The following SGCG variants were observed in gnomAD, a reference collection of about 807,000 sequenced individuals.
SGCG encodes sarcoglycan gamma, also known as gamma-sarcoglycan.
Under a neutral mutation model 29.3 loss-of-function variants are expected in SGCG, and 26 were observed. The observed-to-expected ratio is 0.89, with a 90% CI of 0.65 to 1.23. The LOEUF (loss-of-function observed/expected upper bound fraction) is 1.23, where lower values mean the gene tolerates loss of function less well. Among genes scored for constraint, SGCG ranks in the 50% most tolerant of loss-of-function variants. The pLI is 0.00. For synonymous variants in SGCG, 145 were observed against 129.7 expected (o/e 1.12, Z -0.80); for missense variants, 353 against 356.0 (o/e 0.99, Z 0.07).
At chr13:23,266,220 C>G (rs917769805) in intron 4 of SGCG, among the ~76,000 whole-genome samples, 1 of 150,626 alleles carries the variant, frequency 6.6e-6, no homozygotes, top group Non-Finnish European at 1.5e-5. Flanking sequence ...TGCAGTGAGC[C>G]GAGATCACGC....
chr13:23,181,181 A>C (rs1386182403), intron 1 of SGCG, 106 bp downstream of exon 1: 1 of 152,202 alleles, frequency 6.6e-6, no homozygotes, highest in Admixed American at 6.5e-5. Flanking sequence ...GTGGCATAAT[A>C]ATAAATTTAA....
chr13:23,234,661 G>A lies in SGCG; in HGVS notation c.246G>A (p.Gly82=). Residue 82 remains glycine (G), a synonymous_variant, in exon 3 of 8, where the codon GGG becomes GGA. Coordinates refer to ENST00000218867, the MANE Select transcript of SGCG (RefSeq NM_000231.3). ...CAAAAGATGGACTGCGCTTGGAAGGGGAATCAGAATTTTTATTCCCATTGT... is the reference window on the plus strand; with the variant it reads ...CAAAAGATGGACTGCGCTTGGAAGGAGAATCAGAATTTTTATTCCCATTGT... The part of the protein sequence containing the change: ...CVTKDGLRLE[G]ESEFLFPLYA... 1 of 1,612,952 alleles carries A rather than the reference G, an allele frequency of 6.2e-7. No homozygotes were observed. The highest frequency in any genetic ancestry group is 8.5e-7 in the Non-Finnish European group (1 of 1,179,284).
chr13:23,300,960 A>G (rs574346317), intron 6 of SGCG, among the ~76,000 whole-genome samples: 35 of 152,246 alleles, frequency 2.3e-4, no homozygotes, highest in Admixed American at 5.9e-4. Flanking sequence ...CGAAAAATAC[A>G]AAAGAATTAG....
rs398056176 is a variant in SGCG, at chr13:23,204,706, CT to C, written c.195+834del. The stretch of plus-strand genomic sequence containing the variant: ...TCCTCTTTCTCTCTTTCTTTCTTTC[CT>C]TTTTTTTTTTTTTTTTGAGACGGAG... On this transcript the variant is annotated intron_variant, in intron 2 of 7. Transcript: ENST00000218867. Among the ~76,000 whole-genome samples, 821 of 115,286 alleles carry C rather than the reference CT, an allele frequency of 7.1e-3. 2 individuals are homozygous for C. The highest frequency in any genetic ancestry group is 9.7e-3 in the African/African-American group (291 of 29,990). The allele number at this position is 115,286 out of a possible 152,430, so 75.6% of individuals were successfully genotyped here. A position where few individuals can be genotyped will look rare whatever the true frequency, so the allele number is the denominator to read the frequency against.
chr13:23,315,380 C>G (rs1197895029), intron 6 of SGCG, among the ~76,000 whole-genome samples: 1 of 152,168 alleles, frequency 6.6e-6, no homozygotes, highest in Non-Finnish European at 1.5e-5. Flanking sequence ...CGTGCTCGAG[C>G]AGGTCCTGAA....
chr13:23,190,159 G>T (rs1877184153), intron 1 of SGCG, among the ~76,000 whole-genome samples: 1 of 152,098 alleles, frequency 6.6e-6, no homozygotes, highest in African/African-American at 2.4e-5. Context: ...AGTATATGTG[G>T]AAAGTACATG....
At chr13:23,268,880 T>C (rs1880746735) in intron 4 of SGCG, 1 of 140,168 alleles carries the variant, frequency 7.1e-6, no homozygotes, top group Non-Finnish European at 1.6e-5. Flanking sequence ...TTACTGTCAG[T>C]TGAGGATATT....
intron 4 of SGCG, 23 bp downstream of exon 4, chr13:23,250,740 G>T: frequency 3.7e-6 from 5 of 1,359,102 alleles, no homozygotes; most frequent in Non-Finnish European, 5.3e-6. Context: ...TCATCATGGT[G>T]CTTTGCATGC....
At chr13:23,290,107 T>C (rs1395541457) in intron 5 of SGCG, among the ~76,000 whole-genome samples, 1 of 152,168 alleles carries the variant, frequency 6.6e-6, no homozygotes, top group Admixed American at 6.5e-5. Flanking sequence ...ATGATATTTG[T>C]TTTGGTTGAT....
At chr13:23,244,244 C>T (rs988297865) in intron 3 of SGCG, 2 of 152,020 alleles carry the variant, frequency 1.3e-5, no homozygotes, top group African/African-American at 2.4e-5. Flanking sequence ...TAAACAAAAC[C>T]GCCGTATCAG....
chr13:23,161,282 G>C, the SGCG span, among the ~76,000 whole-genome samples: 1 of 152,266 alleles, frequency 6.6e-6, no homozygotes, highest in South Asian at 2.1e-4. Flanking sequence ...TTACATCAGC[G>C]TTAGCAAGTT....
intron 5 of SGCG, 126 bp from the exon 6 acceptor site, chr13:23,295,289 C>A: frequency 1.2e-6 from 1 of 824,302 alleles, no homozygotes. Context: ...GTAACTCAAA[C>A]ATCTGCAAAA....
chr13:23,253,375 T>C lies in SGCG; in HGVS notation c.385+2658T>C, dbSNP rs1027323414. ...TAATTAGTGATTTCTAGTAAATCTT[T>C]AGTTGGAAAGTCTCTGTTATATTGA... is the stretch of plus-strand genomic sequence containing the variant. On this transcript the variant is annotated intron_variant, in intron 4 of 7. Transcript: ENST00000218867. Among the ~76,000 whole-genome samples the C allele has an allele frequency of 2.0e-5, 3 of 152,242 alleles. No individual in the cohort carries two copies. The East Asian group carries it at 5.8e-4, about 29-fold the overall frequency.
At chr13:23,261,772 C>T (rs985526636) in intron 4 of SGCG, among the ~76,000 whole-genome samples, 23 of 151,926 alleles carry the variant, frequency 1.5e-4, no homozygotes, top group African/African-American at 5.6e-4. Context: ...GATCAGGTAA[C>T]CTATAAAGGA....
At position 23,291,170 on chromosome 13, in the gene SGCG, T is replaced by G. The variant is rs1369655430; in HGVS notation, c.506-4245T>G. On this transcript the variant is annotated intron_variant, in intron 5 of 7. Transcript: ENST00000218867. Reference sequence around the variant, plus strand: ...ATTCTAAAAATAAAAAAGTTAACATTATTAGACTAGGCTTTCTTTTATTTT... The same window carrying G: ...ATTCTAAAAATAAAAAAGTTAACATGATTAGACTAGGCTTTCTTTTATTTT... 2.0e-5 allele frequency among the ~76,000 whole-genome samples: 3 copies of G among 152,328 alleles called. No homozygotes were observed. The East Asian group carries it at 5.8e-4, about 29-fold the overall frequency.
rs1882041299 is a variant in SGCG at position 23,299,429 on chromosome 13, TATATATATATATATATA to T, written c.578+3943_578+3959del. Among the ~76,000 whole-genome samples the T allele has an allele frequency of 1.6e-3, 23 of 14,248 alleles. 1 individual carries two copies. Among genetic ancestry groups the T allele is most frequent in the East Asian group, 3.7e-3 (2 of 536 alleles). 9.3% of individuals were successfully genotyped at this position (14,248 alleles called of 152,430 possible). A position where few individuals can be genotyped will look rare whatever the true frequency, so the allele number is the denominator to read the frequency against. On this transcript the variant is annotated intron_variant, in intron 6 of 7. Coordinates refer to ENST00000218867, the MANE Select transcript of SGCG (RefSeq NM_000231.3). ...TGGCATATATATATATATATATATA[TATATATATATATATATA>T]TATATATATATTTTTTTTTTTTTTT...
chr13:23,196,121 G>A (rs1198426055), intron 1 of SGCG, among the ~76,000 whole-genome samples: 2 of 151,836 alleles, frequency 1.3e-5, no homozygotes, highest in African/African-American at 4.8e-5. Flanking sequence ...GTTGTTATAT[G>A]TTTTTCAAAC....
At chr13:23,276,735 G>A (rs1881092259) in intron 4 of SGCG, among the ~76,000 whole-genome samples, 1 of 152,202 alleles carries the variant, frequency 6.6e-6, no homozygotes, top group Non-Finnish European at 1.5e-5. Context: ...GCGCCCAGCA[G>A]GAAGCATGAA....
chr13:23,188,311 C>CT (rs71100159), intron 1 of SGCG, among the ~76,000 whole-genome samples: 2,052 of 78,288 alleles, frequency 0.026, 300 homozygotes, highest in African/African-American at 0.048. Context: ...TTTACTAAGG[C>CT]TTTTTTTTTT....
Sources: allele counts gnomAD v4.1 joint callset (sites outside exome capture counted in the v4.1 genomes callset), GRCh38; gene constraint gnomAD v4.1.1; transcripts MANE v1.5; gene names NCBI Gene and HGNC (gene_info 2026-07-23, HGNC 2026-07-21).